HDAC9: variants seen among roughly 807,000 people sequenced by gnomAD.
The protein encoded by HDAC9 is MEF-2 interacting transcription repressor (MITR) protein.
Under a neutral mutation model 139.4 loss-of-function variants are expected in HDAC9, and 41 were observed. The observed-to-expected ratio is 0.29, with a 90% confidence interval of 0.23 to 0.38. The LOEUF is 0.38. Ranked by LOEUF, HDAC9 falls within the 10% of genes least tolerant of loss-of-function variation. HDAC9 has a pLI of 1.00. For missense variants in HDAC9, 1,147 were observed against 1,297.0 expected (o/e 0.88, Z 1.78); for synonymous variants, 517 against 476.2 (o/e 1.09, Z -1.12).
At chr7:18,097,708 C>T (rs1782599833) in intron 1 of HDAC9, among the ~76,000 whole-genome samples, 1 of 152,090 alleles carries the variant, frequency 6.6e-6, no homozygotes, top group Admixed American at 6.6e-5. Context: ...GCTGGGACTA[C>T]AGGCATATAC....
At chr7:18,450,951 A>G (rs1284525517) in intron 1 of HDAC9, among the ~76,000 whole-genome samples, 1 of 152,228 alleles carries the variant, frequency 6.6e-6, no homozygotes, top group East Asian at 1.9e-4. Flanking sequence ...GTGTTTCTAC[A>G]TGGATATATG....
chr7:18,937,871 A>G (rs187000762), intron 23 of HDAC9, among the ~76,000 whole-genome samples: 286 of 152,324 alleles, frequency 1.9e-3, no homozygotes, highest in Non-Finnish European at 3.3e-3. Flanking sequence ...ACATGCATTC[A>G]AATGTCTCTA....
At chr7:18,593,618 G>C (rs1157064119) in intron 5 of HDAC9, among the ~76,000 whole-genome samples, 1 of 152,148 alleles carries the variant, frequency 6.6e-6, no homozygotes, top group Non-Finnish European at 1.5e-5. Context: ...AACATAGGCA[G>C]TAATCTCAAA....
intron 1 of HDAC9, among the ~76,000 whole-genome samples, chr7:18,092,228 A>T (rs1251554869): frequency 1.3e-5 from 2 of 151,974 alleles, no homozygotes; most frequent in African/African-American, 2.4e-5. Context: ...GCTACAAAAA[A>T]ATGCAGAAAA....
chr7:18,434,864 A>G (rs1279814059), intron 1 of HDAC9, among the ~76,000 whole-genome samples: 1 of 152,132 alleles, frequency 6.6e-6, no homozygotes, highest in Non-Finnish European at 1.5e-5. Context: ...CAGAACTACC[A>G]TTCAACCCAT....
chr7:18,824,044 G>GGAAGAGGAAGAGGAAGAAGAGGAAGAA (rs71309048), intron 17 of HDAC9, among the ~76,000 whole-genome samples: 1 of 67,118 alleles, frequency 1.5e-5, no homozygotes. Context: ...AAGAGGAAGA[G>GGAAGAGGAAGAGGAAGAAGAGGAAGAA]GAAGAAGAAG....
chr7:18,162,127 G>A (rs1181307722), intron 1 of HDAC9: 3 of 570,308 alleles, frequency 5.3e-6, no homozygotes, highest in Admixed American at 3.2e-5. Context: ...ACATGGTCGC[G>A]CTGTGGCTGA....
chr7:18,168,584 G>A (rs112357462), intron 2 of HDAC9, among the ~76,000 whole-genome samples: 43 of 152,022 alleles, frequency 2.8e-4, no homozygotes, highest in African/African-American at 1.0e-3. Flanking sequence ...GTGTGTGTGT[G>A]TACGTGTGTG....
intron 23 of HDAC9, among the ~76,000 whole-genome samples, chr7:18,951,330 C>A (rs747608248): frequency 1.3e-5 from 2 of 151,818 alleles, no homozygotes; most frequent in Non-Finnish European, 2.9e-5. Context: ...AATAAATTTC[C>A]CTGTCACTGA....
rs1797878772 is a variant in HDAC9 at position 18,858,809 on chromosome 7, T to G, written c.2685-15669T>G. On this transcript the variant is annotated intron_variant, in intron 21 of 25. Coordinates refer to ENST00000686413, the MANE Select transcript of HDAC9 (RefSeq NM_178425.4). ...AAATAAGTTGCTGCTGAATAAATAT[T>G]GACAGCAGTGTCTCATTTTTACCAT... is the stretch of plus-strand genomic sequence containing the variant. Among the ~76,000 whole-genome samples the G allele has an allele frequency of 2.0e-5, 3 of 152,216 alleles. No individual in the cohort carries two copies. The South Asian group carries it at 6.2e-4, about 31-fold the overall frequency.
At chr7:18,880,106 G>C (rs1425198427) in intron 22 of HDAC9, among the ~76,000 whole-genome samples, 1 of 152,156 alleles carries the variant, frequency 6.6e-6, no homozygotes, top group East Asian at 1.9e-4. Flanking sequence ...GCCACAATGA[G>C]ATACCATCTC....
chr7:18,576,288 G>T (rs1446129707), intron 2 of HDAC9, among the ~76,000 whole-genome samples: 1 of 152,160 alleles, frequency 6.6e-6, no homozygotes, highest in African/African-American at 2.4e-5. Context: ...CCACTGATGA[G>T]TGTTAGCCAG....
chr7:18,144,028 G>A (rs374988672), intron 1 of HDAC9, among the ~76,000 whole-genome samples: 4 of 151,984 alleles, frequency 2.6e-5, no homozygotes, highest in South Asian at 2.1e-4. Flanking sequence ...ATACCCTCAC[G>A]TCTATCTACA....
At chr7:18,223,616 T>A (rs1262123863) in intron 2 of HDAC9, among the ~76,000 whole-genome samples, 5 of 152,120 alleles carry the variant, frequency 3.3e-5, no homozygotes, top group Non-Finnish European at 7.4e-5. Flanking sequence ...GAAAATCTCC[T>A]GTATTGTAGC....
intron 1 of HDAC9, among the ~76,000 whole-genome samples, chr7:18,338,431 G>T (rs183037608): frequency 6.6e-6 from 1 of 151,624 alleles, no homozygotes; most frequent in Admixed American, 6.6e-5. Context: ...TACGTAGCAG[G>T]TACTTAATAA....
intron 12 of HDAC9, among the ~76,000 whole-genome samples, chr7:18,706,202 C>G (rs1324687821): frequency 7.3e-6 from 1 of 136,724 alleles, no homozygotes; most frequent in Non-Finnish European, 1.5e-5. Context: ...TCTCCCTGAG[C>G]CGCAATAAAT....
chr7:18,564,408 A>G (rs1036760580), intron 2 of HDAC9, among the ~76,000 whole-genome samples: 2 of 152,132 alleles, frequency 1.3e-5, no homozygotes, highest in Non-Finnish European at 2.9e-5. Flanking sequence ...GCTTATTTCT[A>G]TTAAGCTTCC....
intron 2 of HDAC9, among the ~76,000 whole-genome samples, chr7:18,253,148 T>A (rs1795026228): frequency 6.6e-6 from 1 of 152,246 alleles, no homozygotes. Flanking sequence ...TTATCCAGTC[T>A]ACTGTTGATG....
intron 1 of HDAC9, among the ~76,000 whole-genome samples, chr7:18,130,553 A>T (rs759375150): frequency 5.9e-5 from 9 of 152,130 alleles, no homozygotes; most frequent in Non-Finnish European, 8.8e-5. Flanking sequence ...CATTTAAAGC[A>T]TACAATTTAG....
Sources: gnomAD v4.1 joint callset for allele counts (sites outside exome capture counted in the v4.1 genomes callset) on GRCh38, gnomAD v4.1.1 for gene constraint, MANE v1.5 for transcripts, NCBI Gene and HGNC (gene_info 2026-07-23, HGNC 2026-07-21) for gene names.